Variants in FXYD6 observed in about 807,000 individuals in gnomAD.
The protein encoded by FXYD6 is FXYD domain containing ion transport regulator 6.
Under a neutral mutation model 16.7 loss-of-function variants are expected in FXYD6, and 7 were observed. The observed-to-expected ratio is 0.42, with a 90% CI of 0.24 to 0.79. FXYD6 has a LOEUF of 0.79. FXYD6 is among the 30% of genes least tolerant of loss of function. FXYD6 has a pLI of 0.28. For missense variants in FXYD6, 111 were observed against 116.2 expected (o/e 0.95, Z 0.21); for synonymous variants, 49 against 43.0 (o/e 1.14, Z -0.54).
intron 1 of FXYD6, among the ~76,000 whole-genome samples, chr11:117,869,512 G>A (rs188245002): frequency 2.6e-5 from 4 of 152,170 alleles, no homozygotes; most frequent in Non-Finnish European, 4.4e-5. Context: ...GGACTCAACC[G>A]GCCCAGACCC....
chr11:117,876,000 G>A (rs2057254159), intron 1 of FXYD6, among the ~76,000 whole-genome samples: 1 of 152,158 alleles, frequency 6.6e-6, no homozygotes, highest in South Asian at 2.1e-4. Flanking sequence ...GGATTGGATG[G>A]ATAAGACAAG....
chr11:117,864,553 A>G (rs1463831956), intron 1 of FXYD6, among the ~76,000 whole-genome samples: 1 of 152,246 alleles, frequency 6.6e-6, no homozygotes, highest in Non-Finnish European at 1.5e-5. Flanking sequence ...ATAGGACAAC[A>G]AAGGCACAGG....
At chr11:117,839,433 C>T (rs1458195450) in intron 7 of FXYD6, 2 of 323,642 alleles carry the variant, frequency 6.2e-6, no homozygotes, top group Non-Finnish European at 1.1e-5. Context: ...TCTGAGTCAC[C>T]ACGGAAAGCC....
rs1213792210 is a variant in FXYD6 at position 117,866,428 on chromosome 11, G to A, written c.-6+10164C>T. ...TGAGGGTGTTCTTACCCAGGCCAAG[G>A]AAGAATAACCCAAAATACAGCTTTT... is the stretch of plus-strand genomic sequence containing the variant. On this transcript the variant is annotated intron_variant, in intron 1 of 7. Coordinates refer to ENST00000526014, the MANE Select transcript of FXYD6 (RefSeq NM_022003.4). 3.9e-5 allele frequency among the ~76,000 whole-genome samples: 6 copies of A among 152,142 alleles called. No homozygotes were observed. In the South Asian group the frequency reaches 1.2e-3, roughly 32 times the overall value.
At chr11:117,875,458 G>C (rs994359833) in intron 1 of FXYD6, among the ~76,000 whole-genome samples, 2 of 152,090 alleles carry the variant, frequency 1.3e-5, no homozygotes, top group African/African-American at 4.8e-5. Context: ...GAATGGGCAG[G>C]AGAAAGAGGG....
chr11:117,852,275 C>T (rs2056627320), intron 1 of FXYD6, among the ~76,000 whole-genome samples: 1 of 152,216 alleles, frequency 6.6e-6, no homozygotes. Flanking sequence ...TAAGCTGTGC[C>T]AGACCTCTGA....
Position 117,876,640 on chromosome 11 carries a change from C to G in FXYD6, c.-54G>C, listed in dbSNP as rs998258455. 6.6e-6 allele frequency: 1 copy of G among 152,218 alleles called. No individual in the cohort carries two copies. The highest frequency in any genetic ancestry group is 6.5e-5 in the Admixed American group (1 of 15,282). 9.4% of individuals were successfully genotyped at this position (152,218 alleles called of 1,614,324 possible). A position where few individuals can be genotyped will look rare whatever the true frequency, so the allele number is the denominator to read the frequency against. ...ACTCCCAGGAGGACCCGCCGAGTCCCGAGGAGCCTGGGAGTGGCGGGGCTG... is the reference window on the plus strand; with the variant it reads ...ACTCCCAGGAGGACCCGCCGAGTCCGGAGGAGCCTGGGAGTGGCGGGGCTG... On this transcript the variant is annotated 5_prime_UTR_variant, in exon 1 of 8. Coordinates refer to ENST00000526014, the MANE Select transcript of FXYD6 (RefSeq NM_022003.4).
intron 1 of FXYD6, among the ~76,000 whole-genome samples, chr11:117,876,279 C>T (rs1436183504): frequency 6.6e-6 from 1 of 152,224 alleles, no homozygotes; most frequent in Non-Finnish European, 1.5e-5. Context: ...CTTTCCCCTT[C>T]TCCTGAAAAC....
intron 1 of FXYD6, among the ~76,000 whole-genome samples, chr11:117,845,932 C>T (rs1354439872): frequency 2.6e-5 from 4 of 152,154 alleles, no homozygotes; most frequent in Admixed American, 6.5e-5. Context: ...GCAGTTTGAA[C>T]AGTTATGTTC....
chr11:117,838,910 C>T (rs117851807), intron 7 of FXYD6: 1,868 of 155,004 alleles, frequency 0.012, 20 homozygotes, highest in Middle Eastern at 0.024. Context: ...ACCTCTTTTA[C>T]CTTACAATGT....
chr11:117,852,831 T>C (rs1218389503), intron 1 of FXYD6, among the ~76,000 whole-genome samples: 11 of 152,230 alleles, frequency 7.2e-5, no homozygotes, highest in Admixed American at 7.2e-4. Context: ...TCCTTCTCTA[T>C]GCTACATTCC....
At chr11:117,839,493 C>A in intron 7 of FXYD6, 2 of 427,888 alleles carry the variant, frequency 4.7e-6, no homozygotes, top group Non-Finnish European at 8.3e-6. Context: ...AACTCTAATT[C>A]TCCCATGTTG....
At chr11:117,856,856 C>G (rs1490739389) in intron 1 of FXYD6, among the ~76,000 whole-genome samples, 1 of 152,090 alleles carries the variant, frequency 6.6e-6, no homozygotes, top group African/African-American at 2.4e-5. Flanking sequence ...CCTGATTCAT[C>G]CAGTTATTTA....
rs759283211 is a variant in FXYD6, at chr11:117,837,610, A to C, written c.*689T>G. 1.4e-4 allele frequency: 22 copies of C among 152,738 alleles called. No individual in the cohort carries two copies. Among genetic ancestry groups the C allele is most frequent in the Non-Finnish European group, 2.9e-4 (20 of 68,480 alleles). The allele number at this position is 152,738 out of a possible 1,614,324, so 9.5% of individuals were successfully genotyped here. A position where few individuals can be genotyped will look rare whatever the true frequency, so the allele number is the denominator to read the frequency against. ...CGTGGAAGCCCCTGGGAAGAAATTA[A>C]CCACGGAAGGGCATAGCCTGCCTGA... On this transcript the variant is annotated 3_prime_UTR_variant, in exon 8 of 8. Coordinates refer to ENST00000526014, the MANE Select transcript of FXYD6 (RefSeq NM_022003.4). The surrounding 1 kb of genome is among the most constrained non-coding windows in gnomAD (Gnocchi z 4.4).
chr11:117,863,099 A>G (rs774672411), intron 1 of FXYD6, among the ~76,000 whole-genome samples: 38 of 152,202 alleles, frequency 2.5e-4, no homozygotes, highest in Non-Finnish European at 4.1e-4. Flanking sequence ...ACAGATTAGA[A>G]AAGGAGAGGC....
rs1245291364 is a variant in FXYD6, at chr11:117,873,632, T to C, written c.-6+2960A>G. ...TTCCCTTAGGGTGCTCAGAAGGTGA[T>C]TTGTTCGAAGGTGAATATTGGGGGG... On this transcript the variant is annotated intron_variant, in intron 1 of 7. Transcript: ENST00000526014. Among the ~76,000 whole-genome samples, 7 of 152,294 alleles carry C rather than the reference T, an allele frequency of 4.6e-5. No individual in the cohort carries two copies. In the South Asian group the frequency reaches 1.2e-3, roughly 27 times the overall value.
chr11:117,841,381 G>C (rs187181640), intron 4 of FXYD6, among the ~76,000 whole-genome samples, 197 bp from the exon 5 acceptor site: 21 of 152,178 alleles, frequency 1.4e-4, no homozygotes, highest in South Asian at 4.2e-4. Flanking sequence ...TAGCTGGAAT[G>C]GCTACACCCC....
chr11:117,841,855 G>A lies in FXYD6; in HGVS notation c.108C>T (p.Thr36=), dbSNP rs766526520. The change falls in exon 4 of 8, where the codon ACC becomes ACT. Residue 36 remains threonine (T), a synonymous_variant. Coordinates refer to ENST00000526014, the MANE Select transcript of FXYD6 (RefSeq NM_022003.4). ...CGAACACCAGTCCCCCAATCCTCAG[G>A]GTCTGGTAATCTGCCAAAGGAACCA... is the stretch of plus-strand genomic sequence containing the variant. The part of the protein sequence containing the change: ...EMDPFHYDYQ[T]LRIGGLVFAV... 12 of 1,613,778 alleles carry A rather than the reference G, an allele frequency of 7.4e-6. No homozygotes were observed. The African/African-American group carries it at 1.5e-4, about 20-fold the overall frequency.
intron 1 of FXYD6, among the ~76,000 whole-genome samples, chr11:117,867,597 G>GC (rs1458713761): frequency 1.3e-5 from 2 of 152,126 alleles, no homozygotes; most frequent in African/African-American, 2.4e-5. Flanking sequence ...GTCCTATTTA[G>GC]TTTTTTAAAA....
Sources: allele counts gnomAD v4.1 joint callset (sites outside exome capture counted in the v4.1 genomes callset), GRCh38; gene constraint gnomAD v4.1.1; non-coding constraint Gnocchi (gnomAD v3.1); transcripts MANE v1.5; gene names NCBI Gene and HGNC (gene_info 2026-07-23, HGNC 2026-07-21).